RASA1: variants seen among roughly 807,000 people sequenced by gnomAD.
RASA1 encodes ras GTPase-activating protein 1.
Under a neutral mutation model 132.2 loss-of-function variants are expected in RASA1, and 25 were observed. The ratio of observed to expected loss-of-function variants is 0.19; its 90% CI spans 0.14 to 0.26. RASA1 has a LOEUF of 0.26. RASA1 is among the 10% of genes least tolerant of loss of function. The pLI is 1.00. For synonymous variants in RASA1, 477 were observed against 449.9 expected, an observed-to-expected ratio of 1.06 and a Z score of -0.76; for missense variants, 964 against 1,299.2, an observed-to-expected ratio of 0.74 and a Z score of 3.97.
chr5:87,338,536 A>ATATATATT, intron 5 of RASA1, among the ~76,000 whole-genome samples: 1,303 of 85,020 alleles, frequency 0.015, 66 homozygotes, highest in Non-Finnish European at 0.023. Context: ...TATATATAAA[A>ATATATATT]TTTTTTTTTT....
intron 15 of RASA1, among the ~76,000 whole-genome samples, chr5:87,375,616 C>T (rs987997946): frequency 1.3e-5 from 2 of 152,108 alleles, no homozygotes; most frequent in South Asian, 4.1e-4. Flanking sequence ...TAAAAATTTC[C>T]CTTAAACTTG....
intron 1 of RASA1, among the ~76,000 whole-genome samples, chr5:87,290,432 CT>C (rs1754865854): frequency 6.6e-6 from 1 of 152,212 alleles, no homozygotes. Flanking sequence ...CTTTTTCCCA[CT>C]GTTGACATCC....
chr5:87,359,989 T>G (rs574594150), intron 9 of RASA1, among the ~76,000 whole-genome samples: 1 of 152,326 alleles, frequency 6.6e-6, no homozygotes, highest in East Asian at 1.9e-4. Flanking sequence ...TGAAATCAGA[T>G]ACTTGTCTAA....
At chr5:87,324,232 G>A (rs1167995537) in intron 1 of RASA1, among the ~76,000 whole-genome samples, 1 of 152,206 alleles carries the variant, frequency 6.6e-6, no homozygotes, top group African/African-American at 2.4e-5. Flanking sequence ...GATTGAAAAT[G>A]TGCTGTAGGT....
At chr5:87,306,552 G>T in intron 1 of RASA1, among the ~76,000 whole-genome samples, 1 of 151,698 alleles carries the variant, frequency 6.6e-6, no homozygotes. Flanking sequence ...CTGTACAATA[G>T]ACTCCCATGA....
At chr5:87,354,230 T>A (rs1389694175) in intron 9 of RASA1, among the ~76,000 whole-genome samples, 3 of 152,112 alleles carry the variant, frequency 2.0e-5, no homozygotes, top group South Asian at 4.1e-4. Context: ...CAGGCACACT[T>A]CATTTTATTG....
chr5:87,352,774 A>G (rs966794846), intron 8 of RASA1, among the ~76,000 whole-genome samples: 1 of 151,774 alleles, frequency 6.6e-6, no homozygotes, highest in African/African-American at 2.4e-5. Context: ...CTGCTTCCTA[A>G]ATAAATGCCA....
intron 1 of RASA1, among the ~76,000 whole-genome samples, chr5:87,319,308 C>T (rs113628931): frequency 2.0e-5 from 3 of 152,222 alleles, no homozygotes; most frequent in African/African-American, 7.2e-5. Flanking sequence ...CTAGTGGAGA[C>T]TCTCTGTGAG....
rs558829059 is a variant in RASA1 at position 87,377,996 on chromosome 5, A to G, written c.2345-400A>G. Among the ~76,000 whole-genome samples, 5 of 152,340 alleles carry G rather than the reference A, an allele frequency of 3.3e-5. No individual in the cohort carries two copies. In the South Asian group the frequency reaches 1.0e-3, roughly 32 times the overall value. ...ATTTTAAGCTAATAAATTAATCTAT[A>G]CTGGGATTTTGTGTTATATCCTTAA... On this transcript the variant is annotated intron_variant, in intron 17 of 24. Coordinates refer to ENST00000274376, the MANE Select transcript of RASA1 (RefSeq NM_002890.3).
At chr5:87,271,452 C>CTTTTTTTTTTTT (rs201918763) in intron 1 of RASA1, among the ~76,000 whole-genome samples, 5 of 38,218 alleles carry the variant, frequency 1.3e-4, no homozygotes, top group East Asian at 3.6e-4. Flanking sequence ...TAGTAGACTT[C>CTTTTTTTTTTTT]TTTTTTTTTT....
chr5:87,374,006 CATATACAAATAT>C (rs2112484173), intron 13 of RASA1, among the ~76,000 whole-genome samples, 145 bp from the exon 14 acceptor site: 1 of 151,074 alleles, frequency 6.6e-6, no homozygotes, highest in East Asian at 1.9e-4. Context: ...TTAAGTATGT[CATATACAAATAT>C]ATAACCAAAG....
chr5:87,285,376 AC>A (rs201083469), intron 1 of RASA1, among the ~76,000 whole-genome samples: 3,186 of 151,696 alleles, frequency 0.021, 110 homozygotes, highest in African/African-American at 0.072. Context: ...AATGAATGGT[AC>A]CTTTTAATTA....
Position 87,337,992 on chromosome 5 carries a change from G to A in RASA1, c.918G>A (p.Met306Ile). The change falls in exon 5 of 25, where the codon ATG (methionine) becomes ATA (isoleucine). Residue 306 changes from methionine to isoleucine, a missense_variant. Physicochemically the swap from Met to Ile is conservative, Grantham distance 10. Transcript: ENST00000274376. ...TTTTCAGTTTCTTAAAAGGAGATAT[G>A]TTCATTGTTCATAATGAATTAGAAG... is the stretch of plus-strand genomic sequence containing the variant. ...TDEISFLKGD[M>I]FIVHNELEDG... 6.2e-7 allele frequency: 1 copy of A among 1,609,836 alleles called. No individual in the cohort carries two copies.
intron 1 of RASA1, among the ~76,000 whole-genome samples, chr5:87,286,965 T>C (rs112300696): frequency 0.15 from 22,546 of 147,922 alleles, 2,331 homozygotes; most frequent in East Asian, 0.43. Context: ...ATACCATATA[T>C]ACACCATATA....
At chr5:87,287,264 A>T (rs1312037964) in intron 1 of RASA1, among the ~76,000 whole-genome samples, 1 of 147,788 alleles carries the variant, frequency 6.8e-6, no homozygotes, top group African/African-American at 2.5e-5. Context: ...TACACACCAT[A>T]TACACCGTAT....
intron 1 of RASA1, among the ~76,000 whole-genome samples, chr5:87,293,058 ACAGT>A (rs939476445): frequency 7.7e-4 from 117 of 152,218 alleles, no homozygotes; most frequent in Middle Eastern, 3.4e-3. Flanking sequence ...GAGAACAAAG[ACAGT>A]ATTATTTCTT....
In RASA1 at chr5:87,349,008, C is replaced by T. The variant is rs573994608; in HGVS notation, c.1103-206C>T. 3.3e-5 allele frequency among the ~76,000 whole-genome samples: 5 copies of T among 151,764 alleles called. No homozygotes were observed. In the East Asian group the frequency reaches 9.7e-4, roughly 29 times the overall value. ...TTTATGTATTAAAGCTGGTAAGATA[C>T]ACCAGAGAGATAGCAGACAAGCAAT... On this transcript the variant is annotated intron_variant, in intron 7 of 24. Coordinates refer to ENST00000274376, the MANE Select transcript of RASA1 (RefSeq NM_002890.3).
rs567599847 is a variant in RASA1 at position 87,330,963 on chromosome 5, G to T, written c.540-385G>T. The T allele has an allele frequency of 4.7e-5, 68 of 1,435,036 alleles. No individual in the cohort carries two copies. In the African/African-American group the frequency reaches 8.4e-4, roughly 18 times the overall value. The allele number at this position is 1,435,036 out of a possible 1,614,324, so 88.9% of individuals were successfully genotyped here. A position where few individuals can be genotyped will look rare whatever the true frequency, so the allele number is the denominator to read the frequency against. On this transcript the variant is annotated intron_variant, in intron 1 of 24. Transcript: ENST00000274376. ...GTTCCATGTGCCTTGTGAAGTCATG[G>T]TTCCTCAGTATAAGATCGAGGTAGT...
At chr5:87,360,162 T>C (rs1467045239) in intron 9 of RASA1, among the ~76,000 whole-genome samples, 2 of 151,852 alleles carry the variant, frequency 1.3e-5, no homozygotes, top group African/African-American at 4.8e-5. Flanking sequence ...TTCGCTCTTT[T>C]TTGCTCAGGC....
Sources: gnomAD v4.1 joint callset for allele counts (sites outside exome capture counted in the v4.1 genomes callset) on GRCh38, gnomAD v4.1.1 for gene constraint, MANE v1.5 for transcripts, NCBI Gene and HGNC (gene_info 2026-07-23, HGNC 2026-07-21) for gene names.